HEPH: variants seen among roughly 807,000 people sequenced by gnomAD.
The protein encoded by HEPH is hephaestin.
HEPH carries 69 observed loss-of-function variants against 80.8 expected under a neutral mutation model. That is an observed-to-expected ratio of 0.85 (90% CI 0.70 to 1.04). The LOEUF (loss-of-function observed/expected upper bound fraction) is 1.04, where lower values mean the gene tolerates loss of function less well. HEPH is among the 50% of genes least tolerant of loss of function. The pLI is 0.00. For synonymous variants in HEPH, 431 were observed against 322.8 expected, an observed-to-expected ratio of 1.34 and a Z score of -3.60; for missense variants, 1,115 against 891.3, an observed-to-expected ratio of 1.25 and a Z score of -3.20.
At chrX:66,231,813 T>C (rs1234986336) in intron 15 of HEPH, among the ~76,000 whole-genome samples, 1 of 106,816 alleles carries the variant, frequency 9.4e-6, no homozygotes, top group Non-Finnish European at 1.9e-5. Context: ...TCCAACACTA[T>C]GTTGAATAGG....
chrX:66,209,859 T>A (rs2089016992), intron 15 of HEPH, among the ~76,000 whole-genome samples: 1 of 111,118 alleles, frequency 9.0e-6, no homozygotes, highest in South Asian at 3.8e-4. Flanking sequence ...AGTTCCCTTT[T>A]GAATTTGTTG....
intron 4 of HEPH, among the ~76,000 whole-genome samples, chrX:66,186,795 C>T (rs2087477203): frequency 8.9e-6 from 1 of 112,170 alleles, no homozygotes; most frequent in Non-Finnish European, 1.9e-5. Flanking sequence ...GGAAGTTTTC[C>T]CCTATTGCTC....
intron 15 of HEPH, among the ~76,000 whole-genome samples, chrX:66,248,681 C>CCAAATGGCTAATAA: frequency 8.9e-6 from 1 of 112,139 alleles, no homozygotes; most frequent in Admixed American, 9.5e-5. Context: ...GCAGGTTTTT[C>CCAAATGGCTAATAA]TGTAGCACTT....
Position 66,255,023 on chromosome X carries a change from T to C in HEPH, c.2564-12T>C, listed in dbSNP as rs1490996869. On this transcript the variant is annotated splice_polypyrimidine_tract_variant and intron_variant, in intron 15 of 20. Coordinates refer to ENST00000343002, the MANE Select transcript of HEPH (RefSeq NM_001367233.3). ...ACCCGGTGCAACTGGAGGTTCCTTG[T>C]TACACTTCTAGGTGAGGTGGTCACT... 9 of 1,162,382 alleles carry C rather than the reference T, an allele frequency of 7.7e-6. No individual in the cohort carries two copies. The highest frequency in any genetic ancestry group is 9.3e-6 in the Non-Finnish European group (8 of 859,650).
chrX:66,188,555 A>T lies in HEPH; in HGVS notation c.808+14A>T, dbSNP rs976172099. ...ATAGGATGCATGGTGAGTTGGGAAA[A>T]GGTGGCCACATTGTGACAGGGAACA... On this transcript the variant is annotated intron_variant, in intron 5 of 20. Coordinates refer to ENST00000343002, the MANE Select transcript of HEPH (RefSeq NM_001367233.3). 1 of 1,187,923 alleles carries T rather than the reference A, an allele frequency of 8.4e-7. No individual in the cohort carries two copies. Among genetic ancestry groups the T allele is most frequent in the Non-Finnish European group, 1.1e-6 (1 of 878,003 alleles).
intron 15 of HEPH, among the ~76,000 whole-genome samples, chrX:66,229,882 G>A (rs1047460182): frequency 3.7e-5 from 4 of 107,084 alleles, no homozygotes; most frequent in East Asian, 3.0e-4. Context: ...CCACTAACCC[G>A]TCATCTTGCA....
chrX:66,214,009 C>A (rs1426343242), intron 15 of HEPH, among the ~76,000 whole-genome samples: 1 of 112,384 alleles, frequency 8.9e-6, no homozygotes, highest in African/African-American at 3.2e-5. Flanking sequence ...TTTATCTCAG[C>A]ACTCCCTATT....
Position 66,255,108 on chromosome X carries a change from C to T in HEPH, c.2637C>T (p.Ser879=), listed in dbSNP as rs748396986. The T allele has an allele frequency of 8.3e-7, 1 of 1,206,546 alleles. No homozygotes were observed. The highest frequency in any genetic ancestry group is 2.2e-5 in the Admixed American group (1 of 45,811). Residue 879 remains serine (S), a synonymous_variant, in exon 16 of 21, where the codon TCC becomes TCT. Coordinates refer to ENST00000343002, the MANE Select transcript of HEPH (RefSeq NM_001367233.3). ...GGCCCAATGACTCTGCTTGTGTTTC[C>T]TGGATCTATTATTCTGCAGTGGATC... ...GPGPNDSACV[S]WIYYSAVDPI... is the part of the protein sequence containing the mutation.
intron 15 of HEPH, among the ~76,000 whole-genome samples, chrX:66,216,378 G>A (rs779845509): frequency 8.9e-6 from 1 of 111,990 alleles, no homozygotes; most frequent in South Asian, 3.8e-4. Context: ...TGATATCCAT[G>A]GCTGAGAGAC....
intron 15 of HEPH, among the ~76,000 whole-genome samples, chrX:66,226,805 G>T (rs184450396): frequency 9.0e-6 from 1 of 111,184 alleles, no homozygotes; most frequent in Non-Finnish European, 1.9e-5. Flanking sequence ...TAAAAAAATT[G>T]CCAACAACAA....
chrX:66,186,301 C>G (rs902369825), intron 4 of HEPH, among the ~76,000 whole-genome samples: 1 of 105,721 alleles, frequency 9.5e-6, no homozygotes, highest in African/African-American at 3.5e-5. Context: ...CCTCCCCCAG[C>G]CTCGTTGCCG....
chrX:66,232,612 G>A (rs1247508410), intron 15 of HEPH, among the ~76,000 whole-genome samples: 1 of 111,017 alleles, frequency 9.0e-6, no homozygotes, highest in Non-Finnish European at 1.9e-5. Flanking sequence ...AAGTTATAAT[G>A]TAGCATAACA....
intron 15 of HEPH, among the ~76,000 whole-genome samples, chrX:66,253,081 G>T (rs1185066031): frequency 8.9e-6 from 1 of 112,081 alleles, no homozygotes; most frequent in Admixed American, 9.4e-5. Flanking sequence ...AAGCACAAGT[G>T]AACAAATAAA....
chrX:66,229,565 T>C (rs749726984), intron 15 of HEPH, among the ~76,000 whole-genome samples: 2 of 111,696 alleles, frequency 1.8e-5, no homozygotes, highest in South Asian at 7.6e-4. Context: ...CTCATTCATG[T>C]AACCAAATAC....
At position 66,238,501 on chromosome X, in the gene HEPH, T is replaced by A. The variant is rs775429040; in HGVS notation, c.2564-16534T>A. 2.7e-5 allele frequency among the ~76,000 whole-genome samples: 3 copies of A among 111,231 alleles called. No homozygotes were observed. The South Asian group carries it at 1.1e-3, about 43-fold the overall frequency. The stretch of plus-strand genomic sequence containing the variant: ...TCAAGGTTGCATGTAGCTATGATCA[T>A]GCCACTGCACTCCAGCCTGCATGAC... On this transcript the variant is annotated intron_variant, in intron 15 of 20. Transcript: ENST00000343002.
chrX:66,228,159 G>A (rs1056242596), intron 15 of HEPH, among the ~76,000 whole-genome samples: 7 of 111,618 alleles, frequency 6.3e-5, no homozygotes, highest in Admixed American at 9.6e-5. Context: ...GCAGAAAAGA[G>A]AAGAGAATGA....
At chrX:66,232,880 T>A (rs979680957) in intron 15 of HEPH, among the ~76,000 whole-genome samples, 2 of 110,451 alleles carry the variant, frequency 1.8e-5, no homozygotes, top group Admixed American at 1.9e-4. Flanking sequence ...TTTGAAAAGC[T>A]TTTGCTCTGT....
At chrX:66,169,819 G>A (rs1457273608) in intron 1 of HEPH, 1 of 111,616 alleles carries the variant, frequency 9.0e-6, no homozygotes, top group Non-Finnish European at 1.9e-5. Context: ...CCTACTTCAA[G>A]GCAAACATTA....
upstream of HEPH, chrX:66,164,230 C>A: frequency 1.3e-6 from 1 of 754,096 alleles, no homozygotes; most frequent in Non-Finnish European, 1.6e-6. Context: ...TCAAACCAGG[C>A]CCCAGAGGAA....
Sources: allele counts gnomAD v4.1 joint callset (sites outside exome capture counted in the v4.1 genomes callset), GRCh38; gene constraint gnomAD v4.1.1; transcripts MANE v1.5; gene names NCBI Gene and HGNC (gene_info 2026-07-23, HGNC 2026-07-21).